Variants in ADGRV1 observed in about 807,000 individuals in gnomAD.
ADGRV1 encodes the protein G-protein coupled receptor 98.
ADGRV1 carries 359 observed loss-of-function variants against 596.2 expected under a neutral mutation model. That is an observed-to-expected ratio of 0.60 (90% confidence interval 0.55 to 0.66). The LOEUF (loss-of-function observed/expected upper bound fraction) is 0.66, where lower values mean the gene tolerates loss of function less well. Among genes scored for constraint, ADGRV1 ranks in the 30% least tolerant of loss-of-function variants. ADGRV1 has a pLI of 0.00. For missense variants in ADGRV1, 7,274 were observed against 7,575.6 expected, an observed-to-expected ratio of 0.96 and a Z score of 1.48; for synonymous variants, 2,681 against 2,679.2, an observed-to-expected ratio of 1.00 and a Z score of -0.02.
chr5:90,821,471 C>T (rs1205048628), intron 75 of ADGRV1, among the ~76,000 whole-genome samples: 1 of 151,580 alleles, frequency 6.6e-6, no homozygotes, highest in African/African-American at 2.4e-5. Flanking sequence ...AACTGCGTTC[C>T]TTTGGAGGAG....
chr5:91,122,711 A>G (rs1458669667), intron 87 of ADGRV1, among the ~76,000 whole-genome samples: 1 of 152,254 alleles, frequency 6.6e-6, no homozygotes, highest in Non-Finnish European at 1.5e-5. Flanking sequence ...CAGAACACAT[A>G]CTAGTGACAT....
At chr5:90,715,953 ACT>A (rs1410805384) in intron 42 of ADGRV1, among the ~76,000 whole-genome samples, 17 of 152,008 alleles carry the variant, frequency 1.1e-4, no homozygotes, top group Admixed American at 8.5e-4. Context: ...AAAATAGAAC[ACT>A]CTTGATTTGT....
chr5:90,791,629 C>T, intron 70 of ADGRV1: 1 of 373,544 alleles, frequency 2.7e-6, no homozygotes, highest in Non-Finnish European at 4.9e-6. Flanking sequence ...GCATATACAC[C>T]TGCACACCCA....
At chr5:90,911,985 A>C (rs949738592) in intron 83 of ADGRV1, among the ~76,000 whole-genome samples, 1 of 152,046 alleles carries the variant, frequency 6.6e-6, no homozygotes, top group Non-Finnish European at 1.5e-5. Context: ...TACTGGGTTC[A>C]AATCTTGGCT....
intron 86 of ADGRV1, among the ~76,000 whole-genome samples, chr5:91,085,013 G>A (rs1789737394): frequency 1.3e-5 from 2 of 152,270 alleles, no homozygotes; most frequent in Admixed American, 1.3e-4. Flanking sequence ...CTCACTTATA[G>A]GTGGAAGTTG....
chr5:90,697,297 T>C (rs1747319795), intron 34 of ADGRV1, among the ~76,000 whole-genome samples, 151 bp downstream of exon 34: 1 of 152,180 alleles, frequency 6.6e-6, no homozygotes, highest in Non-Finnish European at 1.5e-5. Flanking sequence ...GGGAGAAGGC[T>C]TTATAATGAA....
intron 57 of ADGRV1, 150 bp from the exon 58 acceptor site, chr5:90,759,259 T>G (rs1190279978): frequency 1.7e-6 from 1 of 591,288 alleles, no homozygotes; most frequent in Non-Finnish European, 2.9e-6. Flanking sequence ...GAACTACTTT[T>G]TAGTACCATG....
At chr5:90,909,898 A>G (rs1403166074) in intron 83 of ADGRV1, among the ~76,000 whole-genome samples, 2 of 152,248 alleles carry the variant, frequency 1.3e-5, no homozygotes, top group Non-Finnish European at 2.9e-5. Context: ...CATTTAAAAT[A>G]TAAAATAAAT....
rs773403842 is a variant in ADGRV1, at chr5:90,807,694, C to T, written c.14929C>T (p.Leu4977=). The T allele has an allele frequency of 1.5e-5, 24 of 1,609,460 alleles. No homozygotes were observed. Among genetic ancestry groups the T allele is most frequent in the African/African-American group, 2.7e-5 (2 of 74,998 alleles). The change falls in exon 73 of 90, where the codon CTA becomes TTA. Residue 4977 remains leucine (L), a synonymous_variant. Transcript: ENST00000405460. ...TTGGCCAGAGGCCTTTGTTCTTCAC[C>T]TATCAGGAGTGCAGAGCAGTGCTCC... ...PGWPEAFVLH[L]SGVQSSAPGG...
chr5:90,725,714 TTG>T, intron 48 of ADGRV1, 58 bp downstream of exon 48: 1 of 955,774 alleles, frequency 1.0e-6, no homozygotes, highest in Non-Finnish European at 1.6e-6. Context: ...AACATTATAA[TTG>T]AAATTTACCA....
chr5:90,774,888 T>A (rs993688896), intron 60 of ADGRV1, among the ~76,000 whole-genome samples: 1 of 152,206 alleles, frequency 6.6e-6, no homozygotes, highest in Admixed American at 6.5e-5. Context: ...TTTACCTTTG[T>A]AATAAAACAT....
At chr5:91,006,697 AT>A (rs1010973210) in intron 85 of ADGRV1, among the ~76,000 whole-genome samples, 1 of 152,200 alleles carries the variant, frequency 6.6e-6, no homozygotes, top group Non-Finnish European at 1.5e-5. Context: ...ACTTCATGTG[AT>A]TTTTTAAATT....
intron 84 of ADGRV1, among the ~76,000 whole-genome samples, chr5:90,972,619 G>C (rs955083721): frequency 6.6e-6 from 1 of 152,040 alleles, no homozygotes; most frequent in African/African-American, 2.4e-5. Context: ...AAATAACGAA[G>C]TGAAGGCAGA....
Position 90,696,919 on chromosome 5 carries a change from C to T in ADGRV1, c.7946-18C>T. Reference sequence around the variant, plus strand: ...TGATTTTGTTACTTTGGTTTTTATTCCATTGATGTTTTTATAGGTGAAACC... The same window carrying T: ...TGATTTTGTTACTTTGGTTTTTATTTCATTGATGTTTTTATAGGTGAAACC... On this transcript the variant is annotated intron_variant, in intron 33 of 89. Coordinates refer to ENST00000405460, the MANE Select transcript of ADGRV1 (RefSeq NM_032119.4). The T allele has an allele frequency of 1.3e-6, 2 of 1,586,854 alleles. No individual in the cohort carries two copies. The highest frequency in any genetic ancestry group is 1.7e-6 in the Non-Finnish European group (2 of 1,159,714).
intron 75 of ADGRV1, among the ~76,000 whole-genome samples, chr5:90,821,741 C>A (rs564709809): frequency 1.3e-5 from 2 of 151,916 alleles, no homozygotes; most frequent in African/African-American, 4.9e-5. Flanking sequence ...GGTCAGGGGT[C>A]AGGCACCCAC....
rs1765357620 is a variant in ADGRV1 at position 90,840,803 on chromosome 5, G to A, written c.16837G>A (p.Gly5613Arg). ...KGGARIDKVY[G>R]TANITLVSDA... Reference sequence around the variant, plus strand: ...TGGTGCCAGAATTGATAAAGTGTATGGGACTGCCAACATCACTCTTGTCTC... The same window carrying A: ...TGGTGCCAGAATTGATAAAGTGTATAGGACTGCCAACATCACTCTTGTCTC... Residue 5613 changes from glycine to arginine, a missense_variant, in exon 78 of 90, where the codon GGG (glycine) becomes AGG (arginine). Around this residue, in one of 5 missense-constraint regions of ADGRV1, gnomAD observed 1,874 missense variants for 1,970.2 expected, o/e 0.95. Transcript: ENST00000405460. The A allele has an allele frequency of 6.2e-7, 1 of 1,613,776 alleles. No individual in the cohort carries two copies. Among genetic ancestry groups the A allele is most frequent in the African/African-American group, 1.3e-5 (1 of 74,882 alleles).
intron 86 of ADGRV1, among the ~76,000 whole-genome samples, chr5:91,078,190 A>G (rs1447915636): frequency 6.6e-6 from 1 of 152,082 alleles, no homozygotes; most frequent in African/African-American, 2.4e-5. Context: ...AGTAATATAA[A>G]TCAATATTTT....
intron 83 of ADGRV1, among the ~76,000 whole-genome samples, chr5:90,889,243 TTAAG>T (rs765602771): frequency 6.6e-6 from 1 of 152,170 alleles, no homozygotes; most frequent in Non-Finnish European, 1.5e-5. Flanking sequence ...CCTTGATCTT[TTAAG>T]TGTTTGTCTT....
Position 91,163,787 on chromosome 5 carries a change from G to A in ADGRV1, c.18808G>A (p.Gly6270Ser), listed in dbSNP as rs1461798589. Reference sequence around the variant, plus strand: ...TCATTCTATTTCTGTGGCAGGTGCTGGTCTCAGTGTCAGTGATAATGAATC... The same window carrying A: ...TCATTCTATTTCTGTGGCAGGTGCTAGTCTCAGTGTCAGTGATAATGAATC... ...DLIFALKTGA[G>S]LSVSDNESGQ... The change falls in exon 90 of 90, where the codon GGT (glycine) becomes AGT (serine). Residue 6270 changes from glycine to serine, a missense_variant. By Grantham distance (56) the Gly-to-Ser change is moderately conservative (BLOSUM62 0). Coordinates refer to ENST00000405460, the MANE Select transcript of ADGRV1 (RefSeq NM_032119.4). 1.4e-6 allele frequency: 2 copies of A among 1,479,640 alleles called. No homozygotes were observed. Among genetic ancestry groups the A allele is most frequent in the Non-Finnish European group, 1.9e-6 (2 of 1,071,158 alleles). 91.7% of individuals were successfully genotyped at this position (1,479,640 alleles called of 1,614,324 possible).
Sources: allele counts gnomAD v4.1 joint callset (sites outside exome capture counted in the v4.1 genomes callset), GRCh38; gene constraint gnomAD v4.1.1; regional missense constraint gnomAD v4.1.1; transcripts MANE v1.5; gene names NCBI Gene and HGNC (gene_info 2026-07-23, HGNC 2026-07-21).